Variants in KHDRBS2 observed in about 807,000 individuals in gnomAD.
KHDRBS2 encodes the protein KH domain-containing, RNA-binding, signal transduction-associated protein 2.
In KHDRBS2, 26 loss-of-function variants were observed where a neutral mutation model predicts 44.3. The ratio of observed to expected loss-of-function variants is 0.59; its 90% CI spans 0.43 to 0.81. The LOEUF is 0.81. Ranked by LOEUF, KHDRBS2 falls within the 40% of genes least tolerant of loss-of-function variation. The probability of loss-of-function intolerance (pLI) is 0.00; values close to 1 mark genes in which losing one functional copy is unlikely to be tolerated. For synonymous variants in KHDRBS2, 194 were observed against 151.1 expected (o/e 1.28, Z -2.08); for missense variants, 476 against 433.1 (o/e 1.10, Z -0.88).
chr6:61,687,483 C>T (rs1766945385), intron 8 of KHDRBS2, among the ~76,000 whole-genome samples: 1 of 151,750 alleles, frequency 6.6e-6, no homozygotes, highest in South Asian at 2.1e-4. Context: ...TTTGCATCTT[C>T]CTTTCAGACC....
At chr6:61,980,864 C>A (rs957295620) in intron 3 of KHDRBS2, among the ~76,000 whole-genome samples, 1 of 152,176 alleles carries the variant, frequency 6.6e-6, no homozygotes, top group African/African-American at 2.4e-5. Flanking sequence ...CTTATAGGGA[C>A]TGCACACAAA....
chr6:62,194,604 A>T (rs1825292047), intron 1 of KHDRBS2, among the ~76,000 whole-genome samples: 1 of 142,618 alleles, frequency 7.0e-6, no homozygotes, highest in Admixed American at 7.4e-5. Flanking sequence ...ATTTCAAGGG[A>T]TCCTCCTGCC....
chr6:61,569,935 A>G, the KHDRBS2 span, among the ~76,000 whole-genome samples: 1 of 152,180 alleles, frequency 6.6e-6, no homozygotes, highest in Non-Finnish European at 1.5e-5. Flanking sequence ...GCAGGCCTTG[A>G]GTTCCAGACC....
chr6:61,860,670 C>T (rs1215541919), intron 6 of KHDRBS2, among the ~76,000 whole-genome samples: 1 of 151,968 alleles, frequency 6.6e-6, no homozygotes, highest in Non-Finnish European at 1.5e-5. Context: ...AATAATGCTG[C>T]AGTGGACATA....
chr6:61,902,151 G>A (rs796343655), intron 4 of KHDRBS2, among the ~76,000 whole-genome samples: 21 of 152,000 alleles, frequency 1.4e-4, no homozygotes, highest in African/African-American at 4.8e-4. Flanking sequence ...ACAGGGTTTC[G>A]CCATGTTGGC....
At chr6:61,584,622 G>A in the KHDRBS2 span, among the ~76,000 whole-genome samples, 1 of 151,640 alleles carries the variant, frequency 6.6e-6, no homozygotes, top group East Asian at 1.9e-4. Context: ...TACAATTTTA[G>A]GGATATTAAA....
intron 3 of KHDRBS2, among the ~76,000 whole-genome samples, chr6:62,042,308 GTTA>G (rs1472958458): frequency 1.3e-5 from 2 of 152,028 alleles, no homozygotes; most frequent in African/African-American, 2.4e-5. Context: ...ATTTAAGCAA[GTTA>G]TTATGCTGAT....
chr6:61,686,796 T>TC (rs1435635460), intron 8 of KHDRBS2, among the ~76,000 whole-genome samples: 1 of 151,114 alleles, frequency 6.6e-6, no homozygotes, highest in African/African-American at 2.4e-5. Flanking sequence ...CCTCTTTTTT[T>TC]CCCCCTATAA....
At chr6:62,072,910 G>A (rs1795502231) in intron 2 of KHDRBS2, among the ~76,000 whole-genome samples, 1 of 152,060 alleles carries the variant, frequency 6.6e-6, no homozygotes, top group African/African-American at 2.4e-5. Flanking sequence ...AGTTTCAGAA[G>A]GAATGGTACC....
chr6:61,689,350 T>C (rs1191774788), intron 8 of KHDRBS2, among the ~76,000 whole-genome samples: 1 of 151,968 alleles, frequency 6.6e-6, no homozygotes, highest in African/African-American at 2.4e-5. Flanking sequence ...ATTATTAAAC[T>C]TGATAAGACC....
chr6:61,566,005 G>A, the KHDRBS2 span, among the ~76,000 whole-genome samples: 1 of 148,874 alleles, frequency 6.7e-6, no homozygotes, highest in Non-Finnish European at 1.5e-5. Context: ...TGTGGTGTGT[G>A]TGTGTGTGTG....
At chr6:61,795,161 A>G (rs932007267) in intron 6 of KHDRBS2, among the ~76,000 whole-genome samples, 6 of 151,648 alleles carry the variant, frequency 4.0e-5, no homozygotes, top group Non-Finnish European at 5.9e-5. Context: ...AAAAAAAAAA[A>G]AAAAAAAAAG....
At chr6:61,951,250 C>A (rs1215303463) in intron 4 of KHDRBS2, among the ~76,000 whole-genome samples, 5 of 151,866 alleles carry the variant, frequency 3.3e-5, no homozygotes, top group African/African-American at 1.2e-4. Context: ...AAAAGGTAGA[C>A]TTGAGATTGA....
chr6:62,214,723 T>C (rs1482594644), intron 1 of KHDRBS2, among the ~76,000 whole-genome samples: 1 of 151,950 alleles, frequency 6.6e-6, no homozygotes, highest in African/African-American at 2.4e-5. Flanking sequence ...TGGATGAGCA[T>C]CATCCAACAA....
chr6:61,587,032 C>T, the KHDRBS2 span, among the ~76,000 whole-genome samples: 1 of 152,156 alleles, frequency 6.6e-6, no homozygotes, highest in Non-Finnish European at 1.5e-5. Flanking sequence ...TTTCTCCTTG[C>T]CATTTTTATT....
At chr6:61,789,963 T>C (rs940131367) in intron 6 of KHDRBS2, among the ~76,000 whole-genome samples, 4 of 151,426 alleles carry the variant, frequency 2.6e-5, no homozygotes, top group African/African-American at 4.8e-5. Flanking sequence ...ATAATGCTAA[T>C]TGAAATTCTT....
At chr6:61,780,469 C>T (rs149490077) in intron 6 of KHDRBS2, among the ~76,000 whole-genome samples, 7 of 151,930 alleles carry the variant, frequency 4.6e-5, no homozygotes, top group East Asian at 3.9e-4. Context: ...TCAGCCTGGG[C>T]GACAGAGCCA....
chr6:61,663,097 G>A, the KHDRBS2 span, among the ~76,000 whole-genome samples: 70 of 151,864 alleles, frequency 4.6e-4, no homozygotes, highest in African/African-American at 1.5e-3. Flanking sequence ...CATGTCCTTT[G>A]TAGGGACATG....
At position 61,707,995 on chromosome 6, in the gene KHDRBS2, A is replaced by G. The variant is rs570234510; in HGVS notation, c.894-10742T>C. 4.6e-5 allele frequency among the ~76,000 whole-genome samples: 7 copies of G among 151,834 alleles called. No individual in the cohort carries two copies. In the South Asian group the frequency reaches 8.3e-4, roughly 18 times the overall value. ...GACAAGCTATTTAAATATAAAAAAT[A>G]TATAGCTTATTTAGCCAGCATTTGG... On this transcript the variant is annotated intron_variant, in intron 7 of 8. Transcript: ENST00000281156.
Sources: gnomAD v4.1 joint callset for allele counts (sites outside exome capture counted in the v4.1 genomes callset) on GRCh38, gnomAD v4.1.1 for gene constraint, MANE v1.5 for transcripts, NCBI Gene and HGNC (gene_info 2026-07-23, HGNC 2026-07-21) for gene names.